The following PLIN5 variants were observed in gnomAD, a reference collection of about 807,000 sequenced individuals.
PLIN5 encodes perilipin-5.
In PLIN5, 34 loss-of-function variants were observed where a neutral mutation model predicts 32.8. The observed-to-expected ratio is 1.04, with a 90% CI of 0.79 to 1.38. The LOEUF is 1.38. Among genes scored for constraint, PLIN5 ranks in the 40% most tolerant of loss-of-function variants. The pLI is 0.00. For missense variants in PLIN5, 712 were observed against 660.5 expected, an observed-to-expected ratio of 1.08 and a Z score of -0.85; for synonymous variants, 309 against 292.9, an observed-to-expected ratio of 1.05 and a Z score of -0.56.
intron 4 of PLIN5, chr19:4,529,496 A>G (rs1976852180): frequency 1.9e-6 from 1 of 539,914 alleles, no homozygotes; most frequent in Admixed American, 3.4e-5. Context: ...ATATACACAC[A>G]TATACATATA....
At position 4,525,517 on chromosome 19, in the gene PLIN5, G is replaced by T; in HGVS notation, c.720+116C>A. 2 of 1,281,574 alleles carry T rather than the reference G, an allele frequency of 1.6e-6. No individual in the cohort carries two copies. The highest frequency in any genetic ancestry group is 2.2e-6 in the Non-Finnish European group (2 of 929,286). The allele number at this position is 1,281,574 out of a possible 1,614,324, so 79.4% of individuals were successfully genotyped here. Reference sequence around the variant, plus strand: ...CCCTGAACACATGCAGCTGGAGACAGCTGCACCCAGCTCCGCCTCCTGCTT... The same window carrying T: ...CCCTGAACACATGCAGCTGGAGACATCTGCACCCAGCTCCGCCTCCTGCTT... On this transcript the variant is annotated intron_variant, in intron 6 of 7. Transcript: ENST00000381848. This position sits in a 1 kb window ranked among gnomAD's most constrained non-coding sequence, Gnocchi z 5.6.
At chr19:4,528,402 G>A (rs200749803) in intron 5 of PLIN5, 1 of 151,424 alleles carries the variant, frequency 6.6e-6, no homozygotes, top group Non-Finnish European at 1.5e-5. Flanking sequence ...TTCTGGCTGT[G>A]TCTAGTTTTT....
rs556808519 is a variant in PLIN5, at chr19:4,529,529, CATAT to C, written c.339+251_339+254del. ...ATATACATGTATATATACACATATA[CATAT>C]ATACTTATACGTATATATACATATA... is the stretch of plus-strand genomic sequence containing the variant. On this transcript the variant is annotated intron_variant, in intron 4 of 7. Transcript: ENST00000381848. 1.2e-3 allele frequency: 573 copies of C among 462,422 alleles called. 1 individual carries two copies. The highest frequency in any genetic ancestry group is 2.3e-3 in the Middle Eastern group (4 of 1,762). 28.6% of individuals were successfully genotyped at this position (462,422 alleles called of 1,614,324 possible).
chr19:4,531,866 G>A (rs754968327), intron 2 of PLIN5, 44 bp from the exon 3 acceptor site: 4 of 1,465,058 alleles, frequency 2.7e-6, no homozygotes, highest in African/African-American at 2.8e-5. Flanking sequence ...GGGAAGTGGG[G>A]CCCTAGCCAC....
intron 2 of PLIN5, among the ~76,000 whole-genome samples, 171 bp from the exon 3 acceptor site, chr19:4,531,993 A>G (rs1568246294): frequency 6.6e-6 from 1 of 152,224 alleles, no homozygotes; most frequent in Non-Finnish European, 1.5e-5. Context: ...TGAGAATGTC[A>G]TGGTTCCTGC....
rs565831483 is a variant in PLIN5 at position 4,522,616 on chromosome 19, A to G, written c.*912T>C. 6.6e-6 allele frequency: 1 copy of G among 152,358 alleles called. No individual in the cohort carries two copies. Among genetic ancestry groups the G allele is most frequent in the African/African-American group, 2.4e-5 (1 of 41,578 alleles). The allele number at this position is 152,358 out of a possible 1,614,324, so 9.4% of individuals were successfully genotyped here. A position where few individuals can be genotyped will look rare whatever the true frequency, so the allele number is the denominator to read the frequency against. ...TATGGCAGGCTGAGCAGCACGGCCCATGGGCAGAGGAGGGCTCACTTTTCA... is the reference window on the plus strand; with the variant it reads ...TATGGCAGGCTGAGCAGCACGGCCCGTGGGCAGAGGAGGGCTCACTTTTCA... On this transcript the variant is annotated 3_prime_UTR_variant, in exon 8 of 8. Transcript: ENST00000381848.
intron 5 of PLIN5, among the ~76,000 whole-genome samples, chr19:4,527,636 C>T (rs1341343125): frequency 6.6e-6 from 1 of 150,528 alleles, no homozygotes; most frequent in Non-Finnish European, 1.5e-5. Flanking sequence ...GCAGGTGGCT[C>T]ACCTGAGGTC....
chr19:4,524,016 CCA>C lies in PLIN5; in HGVS notation c.902_903del (p.Leu301ArgfsTer17). On this transcript the variant is annotated frameshift_variant, in exon 8 of 8. Coordinates refer to ENST00000381848, the MANE Select transcript of PLIN5 (RefSeq NM_001013706.3). LOFTEE classifies it low-confidence loss of function (END_TRUNC). ...GCGGGCAGGCCCCGCACGCTGGACT[CCA>C]GAGCCTCTACCGTGCCCTGCAGCTC... The part of the protein sequence containing the change: ...TQELQGTVEA[L>X]ESSVRGLPAG... 6.6e-7 allele frequency: 1 copy of C among 1,512,502 alleles called. No individual in the cohort carries two copies. The highest frequency in any genetic ancestry group is 8.8e-7 in the Non-Finnish European group (1 of 1,138,360). 93.7% of individuals were successfully genotyped at this position (1,512,502 alleles called of 1,614,324 possible). A position where few individuals can be genotyped will look rare whatever the true frequency, so the allele number is the denominator to read the frequency against.
chr19:4,526,086 A>C (rs1181168559), intron 5 of PLIN5, among the ~76,000 whole-genome samples: 1 of 152,174 alleles, frequency 6.6e-6, no homozygotes, highest in Admixed American at 6.5e-5. Context: ...GTCTTCCCCA[A>C]ACCCTAAGAT....
chr19:4,526,465 G>A (rs539317562), intron 5 of PLIN5, among the ~76,000 whole-genome samples: 67 of 152,212 alleles, frequency 4.4e-4, no homozygotes, highest in African/African-American at 1.5e-3. Context: ...CAATTGATCC[G>A]CCTGCCTGGC....
chr19:4,528,343 C>G (rs1976833854), intron 5 of PLIN5: 1 of 152,208 alleles, frequency 6.6e-6, no homozygotes, highest in South Asian at 2.1e-4. Context: ...TGACATAAAC[C>G]ACTGGGGACT....
rs533709685 is a variant in PLIN5 at position 4,524,476 on chromosome 19, C to T, written c.835-391G>A. On this transcript the variant is annotated intron_variant, in intron 7 of 7. Transcript: ENST00000381848. Reference sequence around the variant, plus strand: ...CTGAGACAGGAGAATCGCTTGAACCCGGGAGGCGGAGGTTGCAGTGAGCTG... The same window carrying T: ...CTGAGACAGGAGAATCGCTTGAACCTGGGAGGCGGAGGTTGCAGTGAGCTG... Among the ~76,000 whole-genome samples the T allele has an allele frequency of 1.9e-3, 295 of 152,252 alleles. 5 individuals are homozygous for T. The highest frequency in any genetic ancestry group is 0.012 in the South Asian group (60 of 4,812).
In PLIN5 at chr19:4,531,733, G is replaced by T. The variant is rs1172056782; in HGVS notation, c.150C>A (p.His50Gln). ...CDVYSAAKDR[H>Q]PLLGSACRLA... ...GGCGGCAGGCGGAGCCCAGCAGCGG[G>T]TGCCTGTCCTTGGCTGCACTGTAAA... Residue 50 changes from histidine to glutamine, a missense_variant, in exon 3 of 8, where the codon CAC becomes CAA. His to Gln is a conservative substitution (Grantham distance 24, BLOSUM62 0). Transcript: ENST00000381848. 1 of 1,597,676 alleles carries T rather than the reference G, an allele frequency of 6.3e-7. No homozygotes were observed. The highest frequency in any genetic ancestry group is 1.7e-5 in the Admixed American group (1 of 58,792).
chr19:4,524,714 AAAAT>A (rs1267142691), intron 7 of PLIN5, among the ~76,000 whole-genome samples: 2 of 151,982 alleles, frequency 1.3e-5, no homozygotes, highest in Admixed American at 1.3e-4. Flanking sequence ...CTCCATCTCA[AAAAT>A]AAATAAATAA....
chr19:4,533,903 T>C, intron 2 of PLIN5, 112 bp downstream of exon 2: 2 of 1,268,146 alleles, frequency 1.6e-6, no homozygotes, highest in East Asian at 2.6e-5. Context: ...ATGACTCAGG[T>C]TTTCCCAGCA....
At chr19:4,530,625 G>A (rs1470681104) in intron 3 of PLIN5, among the ~76,000 whole-genome samples, 2 of 152,164 alleles carry the variant, frequency 1.3e-5, no homozygotes, top group African/African-American at 2.4e-5. Flanking sequence ...GGGACAGAGA[G>A]GAGGGGCCCC....
Position 4,531,678 on chromosome 19 carries a change from T to A in PLIN5, c.205A>T (p.Thr69Ser). ...GGCTGGGCGTGGTCCAGGGCACGGG[T>A]GGTCAGGCCGCACACGCAGTTCTCA... Reference protein sequence around the residue: ...LAENCVCGLTTRALDHAQPLL... With the variant: ...LAENCVCGLTSRALDHAQPLL... The change falls in exon 3 of 8, where the codon ACC becomes TCC. Residue 69 changes from threonine (T) to serine (S), a missense_variant. By Grantham distance (58) the Thr-to-Ser change is moderately conservative (BLOSUM62 1). Transcript: ENST00000381848. 6.5e-7 allele frequency: 1 copy of A among 1,547,052 alleles called. No homozygotes were observed.
intron 3 of PLIN5, 60 bp downstream of exon 3, chr19:4,531,567 C>G (rs1568245994): frequency 7.0e-7 from 1 of 1,435,732 alleles, no homozygotes; most frequent in African/African-American, 1.5e-5. Flanking sequence ...GAGGATGGGA[C>G]AGGGGGCGGT....
At chr19:4,526,857 C>CAA (rs141886356) in intron 5 of PLIN5, among the ~76,000 whole-genome samples, 2 of 138,748 alleles carry the variant, frequency 1.4e-5, no homozygotes, top group African/African-American at 2.9e-5. Flanking sequence ...GACTCCATCT[C>CAA]AAAAAAAAAT....
Sources: allele counts gnomAD v4.1 joint callset (sites outside exome capture counted in the v4.1 genomes callset), GRCh38; gene constraint gnomAD v4.1.1; non-coding constraint Gnocchi (gnomAD v3.1); transcripts MANE v1.5; gene names NCBI Gene and HGNC (gene_info 2026-07-23, HGNC 2026-07-21).